Variants in RARB observed in about 807,000 individuals in gnomAD.
RARB encodes HBV-activated protein.
Under a neutral mutation model 51.9 loss-of-function variants are expected in RARB, and 17 were observed. The observed-to-expected ratio is 0.33, with a 90% CI of 0.22 to 0.49. RARB has a LOEUF of 0.49. Ranked by LOEUF, RARB falls within the 20% of genes least tolerant of loss-of-function variation. RARB has a pLI of 0.99. For synonymous variants in RARB, 215 were observed against 195.4 expected (o/e 1.10, Z -0.84); for missense variants, 369 against 550.8 (o/e 0.67, Z 3.30).
rs139559311 is a variant in RARB at position 24,992,425 on chromosome 3, T to C, written c.-379-67700T>C. ...AAGATAGAGATCATCTATTAAGTAA[T>C]AGAGGCTGATATTTTCTCTGATAAA... On this transcript the variant is annotated intron_variant, in intron 2 of 11. Transcript: ENST00000383772. 3.9e-5 allele frequency among the ~76,000 whole-genome samples: 6 copies of C among 152,218 alleles called. No individual in the cohort carries two copies. In the East Asian group the frequency reaches 7.8e-4, roughly 20 times the overall value.
At chr3:25,453,397 A>G (rs1709284032) in intron 1 of RARB, among the ~76,000 whole-genome samples, 1 of 151,816 alleles carries the variant, frequency 6.6e-6, no homozygotes, top group Non-Finnish European at 1.5e-5. Context: ...ACAGGCATGC[A>G]TCATCACGCC....
chr3:24,880,631 G>A (rs549388437), intron 2 of RARB, among the ~76,000 whole-genome samples: 1 of 152,146 alleles, frequency 6.6e-6, no homozygotes, highest in South Asian at 2.1e-4. Context: ...GACTTCATGA[G>A]GTGTCACCTA....
At chr3:25,409,167 C>T (rs367803467) in intron 5 of RARB, among the ~76,000 whole-genome samples, 29 of 152,306 alleles carry the variant, frequency 1.9e-4, no homozygotes, top group African/African-American at 6.7e-4. Flanking sequence ...GCCATGAGCT[C>T]ACCACTCCTT....
At chr3:25,366,728 G>T (rs1401869402) in intron 5 of RARB, among the ~76,000 whole-genome samples, 1 of 152,100 alleles carries the variant, frequency 6.6e-6, no homozygotes, top group African/African-American at 2.4e-5. Context: ...ACATGTTCTG[G>T]GTCTCTGTGA....
chr3:25,379,921 G>T (rs1221968468), intron 5 of RARB, among the ~76,000 whole-genome samples: 1 of 152,060 alleles, frequency 6.6e-6, no homozygotes, highest in African/African-American at 2.4e-5. Context: ...TTCCTTGGGG[G>T]TCAAGGGAAC....
intron 2 of RARB, among the ~76,000 whole-genome samples, chr3:24,987,546 G>A (rs1381299406): frequency 6.6e-6 from 1 of 152,206 alleles, no homozygotes; most frequent in African/African-American, 2.4e-5. Flanking sequence ...CACTTGCCTT[G>A]GGGCAACATT....
chr3:25,443,999 C>T (rs1168750709), intron 1 of RARB, among the ~76,000 whole-genome samples: 2 of 151,996 alleles, frequency 1.3e-5, no homozygotes, highest in Non-Finnish European at 2.9e-5. Flanking sequence ...ACTTTTGAAC[C>T]ACGGTTTGCT....
intron 2 of RARB, among the ~76,000 whole-genome samples, chr3:24,945,951 A>C (rs1282713634): frequency 6.6e-6 from 1 of 152,194 alleles, no homozygotes; most frequent in African/African-American, 2.4e-5. Flanking sequence ...TAATGTCTCA[A>C]ACTATCTTAT....
At chr3:24,989,070 C>T (rs1696856629) in intron 2 of RARB, among the ~76,000 whole-genome samples, 2 of 152,234 alleles carry the variant, frequency 1.3e-5, no homozygotes, top group Non-Finnish European at 2.9e-5. Flanking sequence ...TGGTAATCTG[C>T]CTGTCTCGGC....
intron 3 of RARB, among the ~76,000 whole-genome samples, chr3:25,081,142 A>G (rs1698986092): frequency 6.6e-6 from 1 of 152,144 alleles, no homozygotes; most frequent in South Asian, 2.1e-4. Context: ...GATTGGGTAC[A>G]TTGAGTTCTA....
chr3:25,222,317 A>T (rs899464636), intron 5 of RARB, among the ~76,000 whole-genome samples: 2 of 152,112 alleles, frequency 1.3e-5, no homozygotes, highest in African/African-American at 4.8e-5. Context: ...CCTGCCCCTA[A>T]ACTCTTCTAA....
chr3:25,112,947 G>A (rs147447945), intron 3 of RARB, among the ~76,000 whole-genome samples: 1 of 152,042 alleles, frequency 6.6e-6, no homozygotes, highest in Non-Finnish European at 1.5e-5. Flanking sequence ...CTGAATTTTC[G>A]GGTATTTTTA....
intron 3 of RARB, among the ~76,000 whole-genome samples, chr3:25,512,210 G>C (rs1339856747): frequency 6.6e-6 from 1 of 152,174 alleles, no homozygotes; most frequent in Non-Finnish European, 1.5e-5. Context: ...AGCCATCCTG[G>C]TCTCTAAAGA....
chr3:25,113,624 T>C (rs1412790841), intron 3 of RARB, among the ~76,000 whole-genome samples: 1 of 152,178 alleles, frequency 6.6e-6, no homozygotes. Context: ...TAATCACCAC[T>C]GAGTGCTAGC....
At chr3:25,493,424 C>G (rs1696848508) in intron 2 of RARB, among the ~76,000 whole-genome samples, 1 of 152,162 alleles carries the variant, frequency 6.6e-6, no homozygotes, top group African/African-American at 2.4e-5. Flanking sequence ...TTATTCCACA[C>G]TCACCTCCTA....
chr3:25,275,252 A>T (rs368682400), intron 5 of RARB, among the ~76,000 whole-genome samples: 121 of 152,300 alleles, frequency 7.9e-4, no homozygotes, highest in African/African-American at 2.7e-3. Flanking sequence ...GCTTGAGCCC[A>T]GGAGTTCAAG....
intron 2 of RARB, among the ~76,000 whole-genome samples, chr3:24,996,642 A>G (rs1012472406): frequency 1.3e-5 from 2 of 152,028 alleles, no homozygotes; most frequent in Admixed American, 1.3e-4. Flanking sequence ...AGGTTTCAGT[A>G]TGTTGTGCTT....
At chr3:25,516,631 C>CTT (rs559135603) in intron 3 of RARB, among the ~76,000 whole-genome samples, 10 of 131,702 alleles carry the variant, frequency 7.6e-5, no homozygotes, top group African/African-American at 1.6e-4. Context: ...ATTTCCTTGT[C>CTT]TTTTTTTTTT....
chr3:25,019,831 T>C (rs962709519), intron 2 of RARB, among the ~76,000 whole-genome samples: 1 of 152,176 alleles, frequency 6.6e-6, no homozygotes, highest in African/African-American at 2.4e-5. Flanking sequence ...GAGCTTCAGC[T>C]GGCTCTGAGT....
Sources: gnomAD v4.1 joint callset for allele counts (sites outside exome capture counted in the v4.1 genomes callset) on GRCh38, gnomAD v4.1.1 for gene constraint, MANE v1.5 for transcripts, NCBI Gene and HGNC (gene_info 2026-07-23, HGNC 2026-07-21) for gene names.